SEC23IP: variants seen among roughly 807,000 people sequenced by gnomAD.
SEC23IP encodes the protein SEC23 interacting protein.
SEC23IP carries 70 observed loss-of-function variants against 113.4 expected under a neutral mutation model. That is an observed-to-expected ratio of 0.62 (90% confidence interval 0.51 to 0.75). SEC23IP has a LOEUF of 0.75. Ranked by LOEUF, SEC23IP falls within the 30% of genes least tolerant of loss-of-function variation. SEC23IP has a pLI of 0.00. For synonymous variants in SEC23IP, 398 were observed against 421.0 expected (o/e 0.95, Z 0.67); for missense variants, 1,160 against 1,204.9 (o/e 0.96, Z 0.55).
intron 13 of SEC23IP, 120 bp from the exon 14 acceptor site, chr10:119,929,487 G>T: frequency 1.4e-6 from 1 of 737,570 alleles, no homozygotes; most frequent in Non-Finnish European, 2.3e-6. Context: ...GCCCACCTTG[G>T]CCTCCCAAAG....
chr10:119,897,661 G>A (rs1039681348), intron 1 of SEC23IP, among the ~76,000 whole-genome samples: 3 of 152,024 alleles, frequency 2.0e-5, no homozygotes, highest in African/African-American at 7.3e-5. Context: ...TTGGGTAGTC[G>A]AGTAACAGTT....
chr10:119,894,435 T>C lies in SEC23IP; in HGVS notation c.163+1490T>C, dbSNP rs554717415. Among the ~76,000 whole-genome samples the C allele has an allele frequency of 3.3e-5, 5 of 152,368 alleles. No individual in the cohort carries two copies. The South Asian group carries it at 1.0e-3, about 32-fold the overall frequency. On this transcript the variant is annotated intron_variant, in intron 1 of 18. Coordinates refer to ENST00000369075, the MANE Select transcript of SEC23IP (RefSeq NM_007190.4). Reference sequence around the variant, plus strand: ...TTTCTTCTTGATGCTTGTCACTACCTGACATGTACACATATTTGTTTATTC... The same window carrying C: ...TTTCTTCTTGATGCTTGTCACTACCCGACATGTACACATATTTGTTTATTC...
chr10:119,929,599 C>A lies in SEC23IP; in HGVS notation c.2314-8C>A. The A allele has an allele frequency of 4.4e-6, 7 of 1,601,464 alleles. No individual in the cohort carries two copies. Among genetic ancestry groups the A allele is most frequent in the Non-Finnish European group, 1.7e-6 (2 of 1,172,454 alleles). ...AATCATCTTTCATTGTTATTTGATT[C>A]TTTCCAGGTTTCTGTTGCTTACAAC... is the stretch of plus-strand genomic sequence containing the variant. On this transcript the variant is annotated splice_region_variant and splice_polypyrimidine_tract_variant and intron_variant, in intron 13 of 18. Transcript: ENST00000369075.
At chr10:119,914,322 G>A (rs1854972263) in intron 6 of SEC23IP, among the ~76,000 whole-genome samples, 1 of 152,086 alleles carries the variant, frequency 6.6e-6, no homozygotes, top group Non-Finnish European at 1.5e-5. Context: ...CATGTTTATT[G>A]AAGTGTATGT....
At chr10:119,925,117 T>A (rs965359212) in intron 12 of SEC23IP, among the ~76,000 whole-genome samples, 8 of 152,182 alleles carry the variant, frequency 5.3e-5, no homozygotes, top group African/African-American at 1.7e-4. Context: ...TTTTCACGAT[T>A]GTATGCACTT....
chr10:119,906,700 C>T (rs761988664), intron 4 of SEC23IP, among the ~76,000 whole-genome samples: 2 of 151,990 alleles, frequency 1.3e-5, no homozygotes, highest in African/African-American at 4.8e-5. Context: ...CTCAGCCTTC[C>T]GAGTTGCTGG....
At position 119,915,803 on chromosome 10, in the gene SEC23IP, T is replaced by G. The variant is rs758617331; in HGVS notation, c.1458T>G (p.Ser486=). The change falls in exon 8 of 19, where the codon TCT becomes TCG. Residue 486 remains serine (S), a synonymous_variant. Transcript: ENST00000369075. ...LKLLRTHFKK[S]LDDGKVSRVE... is the part of the protein sequence containing the mutation. ...TGCTGCGGACACATTTCAAGAAATC[T>G]TTAGATGACGGGAAAGTAAGCAGAG... 5.6e-6 allele frequency: 9 copies of G among 1,605,110 alleles called. No individual in the cohort carries two copies. The highest frequency in any genetic ancestry group is 6.8e-6 in the Non-Finnish European group (8 of 1,175,094).
intron 15 of SEC23IP, 119 bp from the exon 16 acceptor site, chr10:119,932,014 A>C: frequency 1.6e-6 from 1 of 621,374 alleles, no homozygotes; most frequent in Non-Finnish European, 2.9e-6. Flanking sequence ...TATATTTGAC[A>C]TTGAAAAGAG....
chr10:119,938,796 T>C (rs915992116), intron 18 of SEC23IP, among the ~76,000 whole-genome samples: 6 of 152,234 alleles, frequency 3.9e-5, no homozygotes, highest in African/African-American at 1.4e-4. Flanking sequence ...ATTTCACATA[T>C]GATTCGTTCA....
Position 119,898,466 on chromosome 10 carries a change from G to C in SEC23IP, c.203G>C (p.Gly68Ala). ...GTTGGTGAGGAGGACAGCTTCCTTGGTCAGACTTCTATTCACACATCTGCC... is the reference window on the plus strand; with the variant it reads ...GTTGGTGAGGAGGACAGCTTCCTTGCTCAGACTTCTATTCACACATCTGCC... ...TDVGEEDSFL[G>A]QTSIHTSAPQ... is the part of the protein sequence containing the mutation. Residue 68 changes from glycine (G) to alanine (A), a missense_variant, in exon 2 of 19, where the codon GGT becomes GCT. Coordinates refer to ENST00000369075, the MANE Select transcript of SEC23IP (RefSeq NM_007190.4). The C allele has an allele frequency of 1.2e-6, 2 of 1,613,854 alleles. No homozygotes were observed.
At chr10:119,919,118 C>T (rs562361646) in intron 10 of SEC23IP, among the ~76,000 whole-genome samples, 27 of 151,784 alleles carry the variant, frequency 1.8e-4, no homozygotes, top group Admixed American at 5.9e-4. Context: ...CTCAGCCTCC[C>T]GAGTAGTTGG....
At chr10:119,905,504 T>C (rs1052600439) in intron 4 of SEC23IP, among the ~76,000 whole-genome samples, 2 of 152,124 alleles carry the variant, frequency 1.3e-5, no homozygotes, top group Non-Finnish European at 2.9e-5. Flanking sequence ...GACCTTAGCT[T>C]TTGTTCGGCT....
chr10:119,929,869 A>G, intron 14 of SEC23IP, 107 bp downstream of exon 14: 1 of 699,822 alleles, frequency 1.4e-6, no homozygotes, highest in Non-Finnish European at 2.3e-6. Context: ...CACTGGTCTC[A>G]AACTCCTGGC....
intron 12 of SEC23IP, among the ~76,000 whole-genome samples, chr10:119,923,461 T>C (rs769945172): frequency 5.9e-5 from 9 of 152,192 alleles, no homozygotes; most frequent in Non-Finnish European, 1.2e-4. Flanking sequence ...TGCTTTTTTT[T>C]TCTTTTTAAA....
intron 1 of SEC23IP, among the ~76,000 whole-genome samples, chr10:119,895,119 C>G (rs1373678017): frequency 6.6e-6 from 1 of 152,156 alleles, no homozygotes; most frequent in Non-Finnish European, 1.5e-5. Flanking sequence ...CACAGTGGCT[C>G]ACGCCTGTAA....
At position 119,942,271 on chromosome 10, in the gene SEC23IP, G is replaced by C. The variant is rs545875490; in HGVS notation, c.*1706G>C. The C allele has an allele frequency of 6.6e-6, 1 of 152,140 alleles. No homozygotes were observed. The highest frequency in any genetic ancestry group is 1.5e-5 in the Non-Finnish European group (1 of 68,020). 9.4% of individuals were successfully genotyped at this position (152,140 alleles called of 1,614,324 possible). A position where few individuals can be genotyped will look rare whatever the true frequency, so the allele number is the denominator to read the frequency against. On this transcript the variant is annotated 3_prime_UTR_variant, in exon 19 of 19. Coordinates refer to ENST00000369075, the MANE Select transcript of SEC23IP (RefSeq NM_007190.4). ...GTCTTGCCCTTTCATTTTAATACTT[G>C]AGTACACAGAAAATAGAATTTTTGA... is the stretch of plus-strand genomic sequence containing the variant.
chr10:119,895,600 C>T (rs1395925144), intron 1 of SEC23IP, among the ~76,000 whole-genome samples: 1 of 152,140 alleles, frequency 6.6e-6, no homozygotes, highest in Non-Finnish European at 1.5e-5. Context: ...GCTGGCTGAG[C>T]CGGGGAATGG....
chr10:119,940,185 C>G (rs1855919694), intron 18 of SEC23IP, among the ~76,000 whole-genome samples: 2 of 141,484 alleles, frequency 1.4e-5, no homozygotes, highest in Non-Finnish European at 3.1e-5. Context: ...ACTGGATTGT[C>G]CATTTTTTTT....
intron 15 of SEC23IP, among the ~76,000 whole-genome samples, chr10:119,931,823 A>G (rs1855614736): frequency 6.6e-6 from 1 of 151,890 alleles, no homozygotes; most frequent in Non-Finnish European, 1.5e-5. Context: ...AAGTGCTGGG[A>G]TTACAGGTGT....
Sources: allele counts gnomAD v4.1 joint callset (sites outside exome capture counted in the v4.1 genomes callset), GRCh38; gene constraint gnomAD v4.1.1; transcripts MANE v1.5; gene names NCBI Gene and HGNC (gene_info 2026-07-23, HGNC 2026-07-21).